Variants in THSD7B observed in about 807,000 individuals in gnomAD.
The protein encoded by THSD7B is thrombospondin type 1 domain containing 7B.
THSD7B carries 138 observed loss-of-function variants against 213.6 expected under a neutral mutation model. That is an observed-to-expected ratio of 0.65 (90% CI 0.56 to 0.74). The LOEUF (loss-of-function observed/expected upper bound fraction) is 0.74, where lower values mean the gene tolerates loss of function less well. Ranked by LOEUF, THSD7B falls within the 30% of genes least tolerant of loss-of-function variation. THSD7B has a pLI of 0.00. For missense variants in THSD7B, 1,931 were observed against 1,991.5 expected, an observed-to-expected ratio of 0.97 and a Z score of 0.58; for synonymous variants, 742 against 687.0, an observed-to-expected ratio of 1.08 and a Z score of -1.25.
chr2:136,908,583 A>G (rs1381762452), intron 2 of THSD7B, among the ~76,000 whole-genome samples: 1 of 152,220 alleles, frequency 6.6e-6, no homozygotes, highest in African/African-American at 2.4e-5. Context: ...CTGGGGAGCC[A>G]TATGTCTGTA....
At chr2:137,437,342 T>G (rs1199283483) in intron 14 of THSD7B, among the ~76,000 whole-genome samples, 1 of 152,168 alleles carries the variant, frequency 6.6e-6, no homozygotes, top group African/African-American at 2.4e-5. Context: ...AAACAGTCAG[T>G]ATAAGGAGAT....
intron 13 of THSD7B, 138 bp from the exon 14 acceptor site, chr2:137,411,471 T>A: frequency 1.2e-6 from 1 of 801,608 alleles, no homozygotes; most frequent in Non-Finnish European, 1.9e-6. Context: ...CAGGATTTAC[T>A]TTCATGACAA....
rs559734317 is a variant in THSD7B, at chr2:137,141,663, G to T, written c.1370-18550G>T. Among the ~76,000 whole-genome samples, 98 of 135,960 alleles carry T rather than the reference G, an allele frequency of 7.2e-4. 4 individuals are homozygous for T. In the South Asian group the frequency reaches 0.013, roughly 19 times the overall value. The allele number at this position is 135,960 out of a possible 152,430, so 89.2% of individuals were successfully genotyped here. ...AGTGAAAGGTACATGGGAACTCCATGCCCCTGTGTGTGTGTATGTGCGTGT... is the reference window on the plus strand; with the variant it reads ...AGTGAAAGGTACATGGGAACTCCATTCCCCTGTGTGTGTGTATGTGCGTGT... On this transcript the variant is annotated intron_variant, in intron 5 of 27. Transcript: ENST00000409968.
chr2:137,633,073 A>G, intron 20 of THSD7B, among the ~76,000 whole-genome samples: 1 of 152,164 alleles, frequency 6.6e-6, no homozygotes, highest in East Asian at 1.9e-4. Context: ...TCAGGACTGT[A>G]ATTTTCCTCC....
At chr2:137,191,062 G>A (rs943806572) in intron 7 of THSD7B, among the ~76,000 whole-genome samples, 3 of 152,186 alleles carry the variant, frequency 2.0e-5, no homozygotes, top group Admixed American at 6.5e-5. Flanking sequence ...AAAGATCCTG[G>A]GGCCCGAGCA....
chr2:137,173,980 T>C (rs1260949595), intron 7 of THSD7B, among the ~76,000 whole-genome samples: 1 of 152,328 alleles, frequency 6.6e-6, no homozygotes, highest in South Asian at 2.1e-4. Context: ...GATATTTTCC[T>C]CCATCACTCT....
At chr2:137,117,435 T>A (rs892844142) in intron 5 of THSD7B, among the ~76,000 whole-genome samples, 5 of 152,220 alleles carry the variant, frequency 3.3e-5, no homozygotes, top group African/African-American at 1.2e-4. Flanking sequence ...GGATACATTT[T>A]TAGCATTTCA....
intron 15 of THSD7B, among the ~76,000 whole-genome samples, chr2:137,514,942 T>A (rs1205512127): frequency 2.6e-5 from 4 of 152,182 alleles, no homozygotes; most frequent in Admixed American, 2.6e-4. Context: ...ACACAGGGAT[T>A]CTAACTCCCG....
At chr2:137,549,610 C>T (rs776842152) in intron 15 of THSD7B, among the ~76,000 whole-genome samples, 13 of 152,020 alleles carry the variant, frequency 8.6e-5, no homozygotes, top group Non-Finnish European at 1.9e-4. Flanking sequence ...ACAGGCACGG[C>T]ATCATACTGT....
At chr2:137,013,924 A>C (rs1686286092) in intron 2 of THSD7B, among the ~76,000 whole-genome samples, 1 of 152,178 alleles carries the variant, frequency 6.6e-6, no homozygotes, top group Admixed American at 6.5e-5. Flanking sequence ...TGTTACATTC[A>C]TGTTGGTGAA....
At chr2:137,518,980 G>A (rs1680127965) in intron 15 of THSD7B, among the ~76,000 whole-genome samples, 1 of 152,208 alleles carries the variant, frequency 6.6e-6, no homozygotes, top group African/African-American at 2.4e-5. Flanking sequence ...GGGCACGGTG[G>A]CTCACGCCTG....
At chr2:137,673,285 A>ATCTT (rs1683619315) in intron 27 of THSD7B, among the ~76,000 whole-genome samples, 1 of 152,202 alleles carries the variant, frequency 6.6e-6, no homozygotes. Context: ...TCTGCCAGTG[A>ATCTT]TCTTTCACAG....
intron 1 of THSD7B, among the ~76,000 whole-genome samples, chr2:136,847,486 A>T (rs1369383081): frequency 6.6e-6 from 1 of 152,078 alleles, no homozygotes; most frequent in Non-Finnish European, 1.5e-5. Flanking sequence ...TATTCCTGGG[A>T]GGGGCCCCAT....
At chr2:136,845,918 A>G (rs549041729) in intron 1 of THSD7B, among the ~76,000 whole-genome samples, 10 of 152,278 alleles carry the variant, frequency 6.6e-5, no homozygotes, top group Non-Finnish European at 1.0e-4. Flanking sequence ...TATGTTGTTT[A>G]TACAAAAGGG....
At chr2:137,008,405 C>T (rs901090022) in intron 2 of THSD7B, among the ~76,000 whole-genome samples, 7 of 152,118 alleles carry the variant, frequency 4.6e-5, no homozygotes, top group African/African-American at 1.7e-4. Flanking sequence ...ACAAGTCATT[C>T]AACCCTAAGG....
intron 1 of THSD7B, among the ~76,000 whole-genome samples, chr2:136,804,198 T>A (rs1227206560): frequency 2.6e-5 from 4 of 152,214 alleles, no homozygotes; most frequent in African/African-American, 9.6e-5. Context: ...CTTGGTCATG[T>A]ATAGCTGTGT....
At chr2:137,026,693 C>G (rs1160492843) in intron 2 of THSD7B, among the ~76,000 whole-genome samples, 1 of 152,166 alleles carries the variant, frequency 6.6e-6, no homozygotes, top group Non-Finnish European at 1.5e-5. Flanking sequence ...ATTAAGGCCA[C>G]CTCCTGGCCA....
Position 137,404,527 on chromosome 2 carries a change from A to T in THSD7B, c.2501-1086A>T, listed in dbSNP as rs946608593. On this transcript the variant is annotated intron_variant, in intron 12 of 27. Transcript: ENST00000409968. ...CACACATATATGTATATACACACAC[A>T]ATATATATATACACACATACTATAT... Among the ~76,000 whole-genome samples the T allele has an allele frequency of 1.3e-4, 18 of 136,930 alleles. No individual in the cohort carries two copies. The East Asian group carries it at 1.7e-3, about 13-fold the overall frequency. The allele number at this position is 136,930 out of a possible 152,430, so 89.8% of individuals were successfully genotyped here. A position where few individuals can be genotyped will look rare whatever the true frequency, so the allele number is the denominator to read the frequency against.
chr2:137,528,818 C>A (rs1261008828), intron 15 of THSD7B, among the ~76,000 whole-genome samples: 1 of 152,004 alleles, frequency 6.6e-6, no homozygotes, highest in Non-Finnish European at 1.5e-5. Flanking sequence ...AGCTTCTGAC[C>A]TGCCAGAGTC....
Sources: allele counts gnomAD v4.1 joint callset (sites outside exome capture counted in the v4.1 genomes callset), GRCh38; gene constraint gnomAD v4.1.1; transcripts MANE v1.5; gene names NCBI Gene and HGNC (gene_info 2026-07-23, HGNC 2026-07-21).